Variants in TMEM131L observed in about 807,000 individuals in gnomAD.
TMEM131L encodes transmembrane protein 131-like.
In TMEM131L, 54 loss-of-function variants were observed where a neutral mutation model predicts 192.2. That is an observed-to-expected ratio of 0.28 (90% CI 0.23 to 0.35). TMEM131L has a LOEUF of 0.35. Ranked by LOEUF, TMEM131L falls within the 10% of genes least tolerant of loss-of-function variation. The pLI is 1.00. For synonymous variants in TMEM131L, 701 were observed against 704.9 expected (o/e 0.99, Z 0.09); for missense variants, 1,888 against 1,972.9 (o/e 0.96, Z 0.82).
chr4:153,553,177 A>G (rs1270252622), intron 4 of TMEM131L, among the ~76,000 whole-genome samples: 1 of 152,196 alleles, frequency 6.6e-6, no homozygotes, highest in African/African-American at 2.4e-5. Flanking sequence ...TATGGTTCCC[A>G]AAGTGTAATC....
In TMEM131L at chr4:153,614,116, C is replaced by T. The variant is rs577311476; in HGVS notation, c.3567+1716C>T. 1.2e-4 allele frequency among the ~76,000 whole-genome samples: 18 copies of T among 152,166 alleles called. No homozygotes were observed. The South Asian group carries it at 2.7e-3, about 23-fold the overall frequency. On this transcript the variant is annotated intron_variant, in intron 26 of 34. Transcript: ENST00000409959. ...AGAACAGGGAAGGGAAGATGGGCAG[C>T]GGGCAGCACTGAGCCCTGCAGGTAG...
At chr4:153,614,646 C>T (rs191706140) in intron 26 of TMEM131L, among the ~76,000 whole-genome samples, 7 of 152,014 alleles carry the variant, frequency 4.6e-5, no homozygotes, top group Admixed American at 1.3e-4. Flanking sequence ...ATGCCTGTTA[C>T]GTAGAATCAG....
At position 153,602,308 on chromosome 4, in the gene TMEM131L, A is replaced by G; in HGVS notation, c.2423A>G (p.Asp808Gly). The change falls in exon 22 of 35, where the codon GAC becomes GGC. Residue 808 changes from aspartate to glycine, a missense_variant. Physicochemically the swap from Asp to Gly is moderately conservative, Grantham distance 94. Coordinates refer to ENST00000409959, the MANE Select transcript of TMEM131L (RefSeq NM_001131007.2). ...EVLDCHQFSL[D>G]PNTSRDISIV... ...CTGGATTGTCATCAGTTTTCCCTGG[A>G]CCCAAACACATCCCGCGATATCAGC... is the stretch of plus-strand genomic sequence containing the variant. The G allele has an allele frequency of 6.2e-7, 1 of 1,613,452 alleles. No individual in the cohort carries two copies. Among genetic ancestry groups the G allele is most frequent in the Non-Finnish European group, 8.5e-7 (1 of 1,179,878 alleles).
intron 29 of TMEM131L, 116 bp from the exon 30 acceptor site, chr4:153,626,031 T>A (rs1019586102): frequency 1.6e-6 from 1 of 621,216 alleles, no homozygotes; most frequent in East Asian, 2.8e-5. Flanking sequence ...AATATCAGTT[T>A]AAAGTGAAAA....
chr4:153,483,697 T>C (rs994942756), intron 3 of TMEM131L, among the ~76,000 whole-genome samples: 2 of 151,900 alleles, frequency 1.3e-5, no homozygotes, highest in Admixed American at 6.6e-5. Flanking sequence ...TCTCTAAAAA[T>C]AAAAAAAGGC....
chr4:153,629,122 G>A (rs2126861377), intron 31 of TMEM131L, among the ~76,000 whole-genome samples: 1 of 152,316 alleles, frequency 6.6e-6, no homozygotes, highest in East Asian at 1.9e-4. Context: ...AAGCTGGAGA[G>A]CAGCATTCCC....
chr4:153,578,008 C>A (rs1475958593), intron 7 of TMEM131L, among the ~76,000 whole-genome samples: 1 of 152,114 alleles, frequency 6.6e-6, no homozygotes, highest in Non-Finnish European at 1.5e-5. Flanking sequence ...CAGCATCCAG[C>A]ATAACTCAGT....
chr4:153,504,962 G>C (rs1213478336), intron 3 of TMEM131L, among the ~76,000 whole-genome samples: 1 of 152,192 alleles, frequency 6.6e-6, no homozygotes, highest in African/African-American at 2.4e-5. Flanking sequence ...CAGAGGATGG[G>C]TTGGCTAGGA....
At chr4:153,626,384 C>T (rs1216150370) in intron 30 of TMEM131L, among the ~76,000 whole-genome samples, 159 bp downstream of exon 30, 1 of 152,098 alleles carries the variant, frequency 6.6e-6, no homozygotes, top group African/African-American at 2.4e-5. Context: ...TCAGGAGTGG[C>T]GCAAGTAAAC....
At chr4:153,566,153 G>C (rs1205233940) in intron 7 of TMEM131L, among the ~76,000 whole-genome samples, 1 of 124,604 alleles carries the variant, frequency 8.0e-6, no homozygotes, top group Non-Finnish European at 1.7e-5. Context: ...TTTTTTTTTT[G>C]AGACAAGAGT....
chr4:153,474,806 T>C (rs1156730835), intron 3 of TMEM131L, among the ~76,000 whole-genome samples: 1 of 152,178 alleles, frequency 6.6e-6, no homozygotes, highest in Non-Finnish European at 1.5e-5. Context: ...TCCGCCCGAC[T>C]TCGCCTCCCA....
intron 7 of TMEM131L, among the ~76,000 whole-genome samples, chr4:153,566,008 G>C (rs1043421232): frequency 6.6e-6 from 1 of 152,142 alleles, no homozygotes; most frequent in African/African-American, 2.4e-5. Flanking sequence ...CATTGTCTCA[G>C]AATCTGGCAT....
rs2126966036 is a variant in TMEM131L at position 153,636,508 on chromosome 4, A to G, written c.4765A>G (p.Thr1589Ala). 4 of 1,614,196 alleles carry G rather than the reference A, an allele frequency of 2.5e-6. No individual in the cohort carries two copies. Among genetic ancestry groups the G allele is most frequent in the Non-Finnish European group, 2.5e-6 (3 of 1,179,998 alleles). Reference sequence around the variant, plus strand: ...CGCCTATATGAACCTGGACATATGGACTACCACAGCGAATAGGAATGCAAA... The same window carrying G: ...CGCCTATATGAACCTGGACATATGGGCTACCACAGCGAATAGGAATGCAAA... The part of the protein sequence containing the change: ...FRAYMNLDIW[T>A]TTANRNANFP... Residue 1589 changes from threonine (T) to alanine (A), a missense_variant, in exon 35 of 35, where the codon ACT becomes GCT. Transcript: ENST00000409959.
chr4:153,470,992 C>CT (rs111875692), intron 2 of TMEM131L, among the ~76,000 whole-genome samples: 46,612 of 146,186 alleles, frequency 0.32, 7,386 homozygotes, highest in South Asian at 0.42. Flanking sequence ...TGTTTGTTTT[C>CT]TTTTTTTTTT....
In TMEM131L at chr4:153,548,709, A is replaced by G. The variant is rs186717529; in HGVS notation, c.240-1364A>G. ...GAAAGAGAAGCTTAGGTAAAGGCAG[A>G]AAGTGGAGGGAGGAAGAAAAGATTG... On this transcript the variant is annotated intron_variant, in intron 3 of 34. Transcript: ENST00000409959. Among the ~76,000 whole-genome samples the G allele has an allele frequency of 2.7e-4, 41 of 152,330 alleles. No individual in the cohort carries two copies. The East Asian group carries it at 6.9e-3, about 26-fold the overall frequency.
chr4:153,578,848 G>A (rs1730144928), intron 7 of TMEM131L, among the ~76,000 whole-genome samples: 1 of 151,140 alleles, frequency 6.6e-6, no homozygotes, highest in Admixed American at 6.6e-5. Flanking sequence ...AGTAGAGACG[G>A]GGTTTCACCA....
chr4:153,539,885 C>T (rs895393568), intron 3 of TMEM131L, among the ~76,000 whole-genome samples: 6 of 151,636 alleles, frequency 4.0e-5, no homozygotes, highest in African/African-American at 1.2e-4. Flanking sequence ...CCGAGGCAGG[C>T]GGATCCCCTG....
chr4:153,629,149 G>A (rs781380089), intron 31 of TMEM131L, among the ~76,000 whole-genome samples: 2 of 152,168 alleles, frequency 1.3e-5, no homozygotes, highest in Non-Finnish European at 2.9e-5. Flanking sequence ...AGCTGCCCCT[G>A]TGGATTCCCC....
At chr4:153,515,024 C>T (rs1013838065) in intron 3 of TMEM131L, among the ~76,000 whole-genome samples, 1 of 151,970 alleles carries the variant, frequency 6.6e-6, no homozygotes, top group Non-Finnish European at 1.5e-5. Flanking sequence ...GTTGGCCAGG[C>T]TGGTCTCGAA....
Sources: allele counts gnomAD v4.1 joint callset (sites outside exome capture counted in the v4.1 genomes callset), GRCh38; gene constraint gnomAD v4.1.1; transcripts MANE v1.5; gene names NCBI Gene and HGNC (gene_info 2026-07-23, HGNC 2026-07-21).